DOCK4: variants seen among roughly 807,000 people sequenced by gnomAD.
The protein encoded by DOCK4 is dedicator of cytokinesis protein 4.
A neutral mutation model predicts 268.1 loss-of-function variants in DOCK4; 97 were observed. The observed-to-expected ratio is 0.36, with a 90% confidence interval of 0.31 to 0.43. DOCK4 has a LOEUF of 0.43. Among genes scored for constraint, DOCK4 ranks in the 20% least tolerant of loss-of-function variants. The probability of loss-of-function intolerance (pLI) is 1.00; values close to 1 mark genes in which losing one functional copy is unlikely to be tolerated. For synonymous variants in DOCK4, 954 were observed against 887.2 expected, an observed-to-expected ratio of 1.08 and a Z score of -1.34; for missense variants, 2,145 against 2,455.7, an observed-to-expected ratio of 0.87 and a Z score of 2.67.
intron 1 of DOCK4, among the ~76,000 whole-genome samples, chr7:112,198,198 TAAG>T (rs1266229877): frequency 6.6e-6 from 1 of 151,888 alleles, no homozygotes; most frequent in Non-Finnish European, 1.5e-5. Context: ...CGTGACCTTA[TAAG>T]AAGAGATGAG....
intron 1 of DOCK4, among the ~76,000 whole-genome samples, chr7:112,069,021 T>C (rs1279013718): frequency 1.3e-5 from 2 of 152,236 alleles, no homozygotes; most frequent in Non-Finnish European, 2.9e-5. Flanking sequence ...GTATAAAATG[T>C]GCCTCCCTCA....
intron 12 of DOCK4, among the ~76,000 whole-genome samples, chr7:111,917,276 G>A (rs1055309496): frequency 2.6e-5 from 4 of 151,798 alleles, no homozygotes; most frequent in Non-Finnish European, 4.4e-5. Flanking sequence ...GTGAGCCACC[G>A]CGCCTGGCCT....
intron 1 of DOCK4, among the ~76,000 whole-genome samples, chr7:112,143,100 A>G (rs138821703): frequency 0.013 from 2,007 of 152,090 alleles, 56 homozygotes; most frequent in African/African-American, 0.046. Context: ...GACTCTTTCT[A>G]TGATTTTTGC....
At chr7:111,943,590 G>A (rs1218142290) in intron 10 of DOCK4, among the ~76,000 whole-genome samples, 4 of 152,200 alleles carry the variant, frequency 2.6e-5, no homozygotes, top group African/African-American at 9.7e-5. Flanking sequence ...GCCATCCTGA[G>A]AACAGACAGG....
intron 1 of DOCK4, among the ~76,000 whole-genome samples, chr7:112,183,824 C>T (rs1406129146): frequency 6.6e-6 from 1 of 152,184 alleles, no homozygotes; most frequent in East Asian, 1.9e-4. Flanking sequence ...TGCGGTTTCC[C>T]AGCCACTCCT....
At chr7:111,856,977 T>C (rs1333029931) in intron 23 of DOCK4, among the ~76,000 whole-genome samples, 1 of 152,216 alleles carries the variant, frequency 6.6e-6, no homozygotes, top group Non-Finnish European at 1.5e-5. Context: ...TCTGCAACTT[T>C]ATTCTTTCTA....
intron 1 of DOCK4, among the ~76,000 whole-genome samples, chr7:112,084,978 TG>T (rs568525919): frequency 1.3e-5 from 2 of 152,088 alleles, no homozygotes; most frequent in Admixed American, 6.6e-5. Context: ...TTGTATGGCT[TG>T]GAAGTGGTCA....
At chr7:112,083,253 G>C (rs969851919) in intron 1 of DOCK4, among the ~76,000 whole-genome samples, 3 of 152,012 alleles carry the variant, frequency 2.0e-5, no homozygotes, top group East Asian at 3.9e-4. Flanking sequence ...AATTTTATTT[G>C]ATATGTGAAT....
intron 1 of DOCK4, among the ~76,000 whole-genome samples, chr7:112,040,547 T>G: frequency 6.6e-6 from 1 of 152,176 alleles, no homozygotes; most frequent in Admixed American, 6.5e-5. Flanking sequence ...ACACAGATGC[T>G]GAGGTATGGT....
chr7:112,021,940 A>G (rs755387148), intron 1 of DOCK4, among the ~76,000 whole-genome samples: 2 of 152,232 alleles, frequency 1.3e-5, no homozygotes, highest in Non-Finnish European at 2.9e-5. Context: ...TGAAGGGCAT[A>G]CTAAATGCTA....
chr7:112,198,097 T>A (rs754332685), intron 1 of DOCK4, among the ~76,000 whole-genome samples: 1 of 151,906 alleles, frequency 6.6e-6, no homozygotes, highest in Non-Finnish European at 1.5e-5. Context: ...AATTCACATA[T>A]TGAAACTGTA....
chr7:112,004,471 C>T (rs750428595), intron 1 of DOCK4, among the ~76,000 whole-genome samples: 45 of 152,164 alleles, frequency 3.0e-4, no homozygotes, highest in Non-Finnish European at 5.6e-4. Flanking sequence ...TTCTTCACTC[C>T]CTCATCCAAA....
At chr7:111,934,406 T>C (rs1431260069) in intron 12 of DOCK4, among the ~76,000 whole-genome samples, 1 of 152,156 alleles carries the variant, frequency 6.6e-6, no homozygotes, top group Non-Finnish European at 1.5e-5. Context: ...CACATGCCAC[T>C]GCAATCAGCA....
chr7:111,930,552 G>C (rs1052154689), intron 12 of DOCK4, among the ~76,000 whole-genome samples: 4 of 152,164 alleles, frequency 2.6e-5, no homozygotes, highest in Non-Finnish European at 4.4e-5. Context: ...GTACTTTTTA[G>C]AGTGAACTCA....
chr7:111,930,237 A>T (rs1284635924), intron 12 of DOCK4, among the ~76,000 whole-genome samples: 1 of 152,214 alleles, frequency 6.6e-6, no homozygotes, highest in Admixed American at 6.5e-5. Flanking sequence ...AAACATCTTA[A>T]AAAGTTAAAT....
chr7:112,025,832 C>T (rs974778153), intron 1 of DOCK4, among the ~76,000 whole-genome samples: 4 of 152,140 alleles, frequency 2.6e-5, no homozygotes, highest in Non-Finnish European at 5.9e-5. Flanking sequence ...TGAGAACAGC[C>T]CCATTCACTG....
intron 1 of DOCK4, among the ~76,000 whole-genome samples, chr7:112,014,989 AC>A (rs1801689789): frequency 6.6e-6 from 1 of 152,180 alleles, no homozygotes; most frequent in Admixed American, 6.5e-5. Flanking sequence ...TCCATATTGA[AC>A]AGAGGCTGGG....
At chr7:111,757,710 C>T (rs1037439788) in intron 41 of DOCK4, among the ~76,000 whole-genome samples, 5 of 152,038 alleles carry the variant, frequency 3.3e-5, no homozygotes, top group African/African-American at 1.2e-4. Flanking sequence ...GGAAATACTT[C>T]GGGGAGTACT....
intron 8 of DOCK4, among the ~76,000 whole-genome samples, chr7:111,956,634 A>G (rs574991895): frequency 6.6e-6 from 1 of 152,308 alleles, no homozygotes; most frequent in East Asian, 1.9e-4. Flanking sequence ...GTGTTCATTT[A>G]CTGAGCGTGA....
Sources: allele counts gnomAD v4.1 joint callset (sites outside exome capture counted in the v4.1 genomes callset), GRCh38; gene constraint gnomAD v4.1.1; transcripts MANE v1.5; gene names NCBI Gene and HGNC (gene_info 2026-07-23, HGNC 2026-07-21).